CSMD3: variants seen among roughly 807,000 people sequenced by gnomAD.
CSMD3 encodes the protein CUB and sushi domain-containing protein 3.
CSMD3 carries 177 observed loss-of-function variants against 435.2 expected under a neutral mutation model. That is an observed-to-expected ratio of 0.41 (90% CI 0.36 to 0.46). The LOEUF is 0.46. Ranked by LOEUF, CSMD3 falls within the 20% of genes least tolerant of loss-of-function variation. CSMD3 has a pLI of 0.34. For missense variants in CSMD3, 4,265 were observed against 4,504.6 expected (o/e 0.95, Z 1.52); for synonymous variants, 1,656 against 1,520.5 (o/e 1.09, Z -2.07).
intron 10 of CSMD3, among the ~76,000 whole-genome samples, chr8:112,906,698 T>A (rs766135375): frequency 2.2e-4 from 34 of 151,474 alleles, no homozygotes; most frequent in Non-Finnish European, 4.3e-4. Flanking sequence ...CTAGCTATCA[T>A]CTCCCAAGGT....
rs2130160214 is a variant in CSMD3, at chr8:113,436,877, C to G, written c.-23G>C. ...CATATTATTCGCGAGCTCCTAATTC[C>G]TGCTCCTCAGCCCGGCGCAGTGGAG... On this transcript the variant is annotated 5_prime_UTR_variant, in exon 1 of 71. Transcript: ENST00000297405. 6.2e-7 allele frequency: 1 copy of G among 1,613,300 alleles called. No individual in the cohort carries two copies. The highest frequency in any genetic ancestry group is 8.5e-7 in the Non-Finnish European group (1 of 1,179,954).
intron 21 of CSMD3, among the ~76,000 whole-genome samples, 161 bp from the exon 22 acceptor site, chr8:112,637,166 G>A (rs2074684710): frequency 1.3e-5 from 2 of 152,022 alleles, no homozygotes; most frequent in Admixed American, 6.6e-5. Context: ...GCACACATAC[G>A]TTTCTTTTTC....
At chr8:112,623,111 T>C (rs1472156533) in intron 22 of CSMD3, among the ~76,000 whole-genome samples, 2 of 152,134 alleles carry the variant, frequency 1.3e-5, no homozygotes, top group African/African-American at 4.8e-5. Flanking sequence ...CTATTCATCA[T>C]TGTAGAAACT....
chr8:112,777,754 T>G (rs2078281698), intron 13 of CSMD3, among the ~76,000 whole-genome samples: 1 of 151,764 alleles, frequency 6.6e-6, no homozygotes, highest in Non-Finnish European at 1.5e-5. Flanking sequence ...TGAGTCAAAG[T>G]TTGCCTCCAA....
chr8:112,478,661 G>C (rs1324277201), intron 31 of CSMD3, among the ~76,000 whole-genome samples: 2 of 152,132 alleles, frequency 1.3e-5, no homozygotes, highest in African/African-American at 4.8e-5. Flanking sequence ...GAGAGCGGCA[G>C]GAGGCAGCCA....
chr8:112,371,957 C>T (rs1293524803), intron 38 of CSMD3, among the ~76,000 whole-genome samples: 1 of 151,422 alleles, frequency 6.6e-6, no homozygotes, highest in Non-Finnish European at 1.5e-5. Flanking sequence ...AATGACAGTT[C>T]CAAAGACAAA....
At chr8:112,593,474 C>T (rs16883864) in intron 22 of CSMD3, among the ~76,000 whole-genome samples, 8,458 of 152,200 alleles carry the variant, frequency 0.056, 325 homozygotes, top group East Asian at 0.15. Context: ...GATTATAATG[C>T]TGATGAATGT....
chr8:112,749,834 C>G (rs1331236422), intron 13 of CSMD3, among the ~76,000 whole-genome samples: 1 of 149,342 alleles, frequency 6.7e-6, no homozygotes, highest in East Asian at 2.0e-4. Context: ...TAGAAGTTTT[C>G]TTCCTACCAA....
intron 10 of CSMD3, among the ~76,000 whole-genome samples, chr8:112,914,660 A>T (rs1296827200): frequency 4.0e-5 from 6 of 151,802 alleles, no homozygotes; most frequent in Non-Finnish European, 1.5e-5. Flanking sequence ...TCTCATCAAT[A>T]ATGTCTGTAT....
At chr8:112,955,533 T>C (rs544089541) in intron 7 of CSMD3, among the ~76,000 whole-genome samples, 1 of 151,962 alleles carries the variant, frequency 6.6e-6, no homozygotes, top group Admixed American at 6.6e-5. Flanking sequence ...ATTCCAAATC[T>C]TCTAGCTATT....
rs137935185 is a variant in CSMD3 at position 112,954,703 on chromosome 8, G to A, written c.1401C>T (p.Asn467=). Reference sequence around the variant, plus strand: ...ACTCACAGATAGAAAACTTGTTGCTGTTGTCTTTCCCTGGAAACAATTTAA... The same window carrying A: ...ACTCACAGATAGAAAACTTGTTGCTATTGTCTTTCCCTGGAAACAATTTAA... ...RGFKLFPGKD[N]SNKFSILNEG... The change falls in exon 8 of 71, where the codon AAC becomes AAT. Residue 467 remains asparagine, a synonymous_variant. Transcript: ENST00000297405. 1.2e-6 allele frequency: 2 copies of A among 1,602,380 alleles called. No individual in the cohort carries two copies. Among genetic ancestry groups the A allele is most frequent in the African/African-American group, 1.3e-5 (1 of 74,612 alleles).
intron 1 of CSMD3, among the ~76,000 whole-genome samples, chr8:113,329,253 A>G (rs957285313): frequency 7.9e-5 from 12 of 151,222 alleles, no homozygotes; most frequent in African/African-American, 2.9e-4. Context: ...CTGAAAATGT[A>G]CAAATAATGT....
chr8:113,024,566 C>T (rs925452629), intron 5 of CSMD3, among the ~76,000 whole-genome samples: 1 of 152,052 alleles, frequency 6.6e-6, no homozygotes, highest in East Asian at 1.9e-4. Flanking sequence ...AATATATATT[C>T]TTGTCAACAC....
At chr8:112,696,366 C>A (rs963542891) in intron 13 of CSMD3, among the ~76,000 whole-genome samples, 11 of 152,068 alleles carry the variant, frequency 7.2e-5, no homozygotes, top group Admixed American at 1.3e-4. Context: ...GGTACTGGTA[C>A]CAAAACAGAC....
intron 3 of CSMD3, among the ~76,000 whole-genome samples, chr8:113,195,440 T>C (rs1302461973): frequency 6.6e-6 from 1 of 151,008 alleles, no homozygotes; most frequent in Non-Finnish European, 1.5e-5. Flanking sequence ...GTGATGATTA[T>C]GATTTTCTTT....
At position 112,656,043 on chromosome 8, in the gene CSMD3, A is replaced by C. The variant is rs182976651; in HGVS notation, c.3004+111T>G. Reference sequence around the variant, plus strand: ...GCATTAACATTCTTATAGATGAAGGAAAGCTTTGATTTAAAATAAATAGAG... The same window carrying C: ...GCATTAACATTCTTATAGATGAAGGCAAGCTTTGATTTAAAATAAATAGAG... On this transcript the variant is annotated intron_variant, in intron 18 of 70. Coordinates refer to ENST00000297405, the MANE Select transcript of CSMD3 (RefSeq NM_198123.2). 1.3e-3 allele frequency: 865 copies of C among 653,808 alleles called. 7 individuals carry two copies. The highest frequency in any genetic ancestry group is 0.012 in the Middle Eastern group (28 of 2,434). The allele number at this position is 653,808 out of a possible 1,614,324, so 40.5% of individuals were successfully genotyped here. A position where few individuals can be genotyped will look rare whatever the true frequency, so the allele number is the denominator to read the frequency against.
chr8:113,093,946 A>G (rs146892638), intron 5 of CSMD3, among the ~76,000 whole-genome samples: 67 of 152,192 alleles, frequency 4.4e-4, no homozygotes, highest in African/African-American at 1.6e-3. Flanking sequence ...TTCAGCCAGT[A>G]TTTCATTTTT....
At chr8:112,615,402 A>G (rs572445992) in intron 22 of CSMD3, among the ~76,000 whole-genome samples, 2 of 152,232 alleles carry the variant, frequency 1.3e-5, no homozygotes, top group East Asian at 3.9e-4. Flanking sequence ...TTAAATGTCC[A>G]TAGAGTAGTC....
At chr8:112,380,790 A>G (rs1267972837) in intron 37 of CSMD3, among the ~76,000 whole-genome samples, 1 of 152,186 alleles carries the variant, frequency 6.6e-6, no homozygotes, top group Non-Finnish European at 1.5e-5. Flanking sequence ...TCCGTGCACA[A>G]GCTAATAATA....
Sources: gnomAD v4.1 joint callset for allele counts (sites outside exome capture counted in the v4.1 genomes callset) on GRCh38, gnomAD v4.1.1 for gene constraint, MANE v1.5 for transcripts, NCBI Gene and HGNC (gene_info 2026-07-23, HGNC 2026-07-21) for gene names.